Variants in AMBRA1 observed in about 807,000 individuals in gnomAD.
AMBRA1 encodes activating molecule in BECN1-regulated autophagy protein 1.
In AMBRA1, 47 loss-of-function variants were observed where a neutral mutation model predicts 125.4. The ratio of observed to expected loss-of-function variants is 0.37; its 90% CI spans 0.30 to 0.48. The LOEUF is 0.48. Ranked by LOEUF, AMBRA1 falls within the 20% of genes least tolerant of loss-of-function variation. The probability of loss-of-function intolerance (pLI) is 0.99; values close to 1 mark genes in which losing one functional copy is unlikely to be tolerated. For synonymous variants in AMBRA1, 626 were observed against 655.5 expected, an observed-to-expected ratio of 0.95 and a Z score of 0.69; for missense variants, 1,331 against 1,693.4, an observed-to-expected ratio of 0.79 and a Z score of 3.76.
intron 1 of AMBRA1, among the ~76,000 whole-genome samples, chr11:46,568,997 G>A (rs756757050): frequency 9.9e-5 from 15 of 151,478 alleles, no homozygotes; most frequent in Non-Finnish European, 8.8e-5. Flanking sequence ...AGTAGAGACA[G>A]GGTTTTGCCA....
chr11:46,585,446 C>T (rs1314404649), intron 1 of AMBRA1, among the ~76,000 whole-genome samples: 21 of 149,240 alleles, frequency 1.4e-4, no homozygotes, highest in African/African-American at 4.9e-4. Flanking sequence ...GGCAGGTGGA[C>T]CACGAGGTCA....
At chr11:46,487,347 C>T (rs1341495515) in intron 11 of AMBRA1, among the ~76,000 whole-genome samples, 1 of 151,532 alleles carries the variant, frequency 6.6e-6, no homozygotes, top group Non-Finnish European at 1.5e-5. Context: ...TGTTGTTAAC[C>T]AAAAATAAAG....
chr11:46,400,538 C>A, intron 17 of AMBRA1, among the ~76,000 whole-genome samples: 1 of 117,810 alleles, frequency 8.5e-6, no homozygotes, highest in Non-Finnish European at 1.6e-5. Flanking sequence ...GTCACCTAAA[C>A]TGGAGTGCAA....
chr11:46,422,735 C>T (rs1248122883), intron 14 of AMBRA1, among the ~76,000 whole-genome samples: 1 of 151,938 alleles, frequency 6.6e-6, no homozygotes, highest in Non-Finnish European at 1.5e-5. Context: ...GCAAACGGCA[C>T]TGTTCAGATC....
intron 14 of AMBRA1, among the ~76,000 whole-genome samples, chr11:46,431,380 G>A (rs1181305806): frequency 6.6e-6 from 1 of 152,178 alleles, no homozygotes; most frequent in African/African-American, 2.4e-5. Flanking sequence ...GGACAGCCAG[G>A]GGCTGACTGG....
chr11:46,480,207 T>G (rs1950005195), intron 11 of AMBRA1, among the ~76,000 whole-genome samples: 1 of 152,316 alleles, frequency 6.6e-6, no homozygotes, highest in African/African-American at 2.4e-5. Flanking sequence ...ATCTTAATCA[T>G]AACTGCAAAG....
intron 12 of AMBRA1, 78 bp from the exon 13 acceptor site, chr11:46,435,115 T>C (rs1207036773): frequency 1.5e-6 from 2 of 1,338,650 alleles, no homozygotes; most frequent in Admixed American, 2.7e-5. Context: ...CAAGAAACTT[T>C]AGGGACTTCC....
rs143297246 is a variant in AMBRA1 at position 46,530,915 on chromosome 11, G to A, written c.2072+11030C>T. ...ATTCATTTATTTGAGACGAATTCTC[G>A]CTCTGTAGCCCAGGCTGGAGTGCAG... On this transcript the variant is annotated intron_variant, in intron 7 of 17. Coordinates refer to ENST00000683756, the MANE Select transcript of AMBRA1 (RefSeq NM_001387011.1). Among the ~76,000 whole-genome samples the A allele has an allele frequency of 9.2e-5, 14 of 152,170 alleles. No homozygotes were observed. The East Asian group carries it at 2.3e-3, about 25-fold the overall frequency.
intron 1 of AMBRA1, among the ~76,000 whole-genome samples, chr11:46,578,532 T>C (rs1268164536): frequency 2.6e-5 from 4 of 151,504 alleles, no homozygotes; most frequent in Non-Finnish European, 5.9e-5. Flanking sequence ...TGTTTATTAT[T>C]ATCATATAAA....
At chr11:46,410,157 T>C in intron 16 of AMBRA1, 119 bp downstream of exon 16, 1 of 831,948 alleles carries the variant, frequency 1.2e-6, no homozygotes. Context: ...ATCAAGGAGG[T>C]GCTGCTCTGG....
At chr11:46,520,742 C>T (rs1478923779) in intron 7 of AMBRA1, among the ~76,000 whole-genome samples, 3 of 151,292 alleles carry the variant, frequency 2.0e-5, no homozygotes, top group African/African-American at 7.3e-5. Context: ...ACTACAGGCG[C>T]CCACCACCAA....
chr11:46,479,102 G>A (rs899850049), intron 11 of AMBRA1, among the ~76,000 whole-genome samples: 3 of 152,110 alleles, frequency 2.0e-5, no homozygotes, highest in African/African-American at 4.8e-5. Context: ...GGAGGCTGAG[G>A]CCGGGGAATC....
intron 11 of AMBRA1, among the ~76,000 whole-genome samples, chr11:46,446,615 G>A (rs756587160): frequency 1.3e-5 from 2 of 152,148 alleles, no homozygotes; most frequent in Non-Finnish European, 2.9e-5. Context: ...CTTGTGCATC[G>A]CAGAACATTT....
At chr11:46,548,713 C>T (rs1756664265) in intron 1 of AMBRA1, among the ~76,000 whole-genome samples, 1 of 152,200 alleles carries the variant, frequency 6.6e-6, no homozygotes, top group South Asian at 2.1e-4. Context: ...AAGGATCAGG[C>T]CAAGCACAGT....
intron 1 of AMBRA1, among the ~76,000 whole-genome samples, chr11:46,584,258 T>C (rs2044286701): frequency 6.8e-6 from 1 of 147,260 alleles, no homozygotes; most frequent in Admixed American, 6.8e-5. Context: ...TCATTCTCAG[T>C]AAACTATCAC....
At chr11:46,553,923 TC>T (rs1182712623) in intron 1 of AMBRA1, among the ~76,000 whole-genome samples, 1 of 152,148 alleles carries the variant, frequency 6.6e-6, no homozygotes, top group Non-Finnish European at 1.5e-5. Context: ...CAGGCCAACT[TC>T]CTGAATAGGC....
intron 7 of AMBRA1, among the ~76,000 whole-genome samples, chr11:46,514,783 G>C (rs1951405307): frequency 3.9e-5 from 6 of 152,100 alleles, no homozygotes; most frequent in Admixed American, 3.9e-4. Context: ...CCACTGGCAG[G>C]ATTTTTTCAT....
intron 17 of AMBRA1, 56 bp from the exon 18 acceptor site, chr11:46,397,999 G>A: frequency 1.3e-6 from 2 of 1,524,212 alleles, no homozygotes; most frequent in Admixed American, 1.9e-5. Flanking sequence ...GGGCCTCTGA[G>A]GCAGGTGGGC....
chr11:46,561,783 AC>A (rs2043347138), intron 1 of AMBRA1, among the ~76,000 whole-genome samples: 1 of 152,186 alleles, frequency 6.6e-6, no homozygotes, highest in Admixed American at 6.5e-5. Context: ...ATGCCACCCT[AC>A]CATGCCAATC....
Sources: gnomAD v4.1 joint callset for allele counts (sites outside exome capture counted in the v4.1 genomes callset) on GRCh38, gnomAD v4.1.1 for gene constraint, MANE v1.5 for transcripts, NCBI Gene and HGNC (gene_info 2026-07-23, HGNC 2026-07-21) for gene names.